ADAM12: variants seen among roughly 807,000 people sequenced by gnomAD.
ADAM12 encodes ADAM metallopeptidase domain 12.
Under a neutral mutation model 106.4 loss-of-function variants are expected in ADAM12, and 70 were observed. That is an observed-to-expected ratio of 0.66 (90% CI 0.54 to 0.80). The LOEUF (loss-of-function observed/expected upper bound fraction) is 0.80. Among genes scored for constraint, ADAM12 ranks in the 30% least tolerant of loss-of-function variants. ADAM12 has a pLI of 0.00. For missense variants in ADAM12, 1,010 were observed against 1,171.9 expected, an observed-to-expected ratio of 0.86 and a Z score of 2.02; for synonymous variants, 420 against 433.5, an observed-to-expected ratio of 0.97 and a Z score of 0.39.
At chr10:126,306,827 C>T (rs972345314) in intron 2 of ADAM12, among the ~76,000 whole-genome samples, 25 of 152,130 alleles carry the variant, frequency 1.6e-4, no homozygotes, top group African/African-American at 5.8e-4. Flanking sequence ...TTGATTATCA[C>T]GGGCTCAGAT....
intron 5 of ADAM12, among the ~76,000 whole-genome samples, chr10:126,134,283 T>C (rs908266931): frequency 6.6e-6 from 1 of 152,230 alleles, no homozygotes; most frequent in African/African-American, 2.4e-5. Flanking sequence ...CTCAATGATT[T>C]GGGTCTGTGT....
chr10:126,277,683 T>C lies in ADAM12; in HGVS notation c.260+1232A>G, dbSNP rs144997616. ...GATTCCTGATTATATAATACATGTG[T>C]CTGAATCTCTATTTTAAGAGCAAGT... On this transcript the variant is annotated intron_variant, in intron 3 of 22. Coordinates refer to ENST00000448723, the MANE Select transcript of ADAM12 (RefSeq NM_001288973.2). Among the ~76,000 whole-genome samples the C allele has an allele frequency of 2.5e-3, 377 of 152,278 alleles. 2 individuals are homozygous for C. The highest frequency in any genetic ancestry group is 0.01 in the Middle Eastern group (3 of 294).
intron 1 of ADAM12, among the ~76,000 whole-genome samples, chr10:126,364,633 A>T (rs1564758114): frequency 6.6e-6 from 1 of 152,208 alleles, no homozygotes; most frequent in Non-Finnish European, 1.5e-5. Context: ...TTCATTCCAA[A>T]TTATGGCTCA....
intron 2 of ADAM12, among the ~76,000 whole-genome samples, chr10:126,300,116 G>T (rs760709329): frequency 6.6e-6 from 1 of 152,164 alleles, no homozygotes; most frequent in African/African-American, 2.4e-5. Context: ...AGCATGCAAC[G>T]TTCTGCAGTT....
intron 5 of ADAM12, among the ~76,000 whole-genome samples, chr10:126,120,050 A>C (rs905610709): frequency 2.0e-5 from 3 of 152,200 alleles, no homozygotes; most frequent in Non-Finnish European, 4.4e-5. Flanking sequence ...CACTTTAGAA[A>C]GACACAAAAT....
chr10:126,353,115 T>C (rs1855420231), intron 1 of ADAM12, among the ~76,000 whole-genome samples: 1 of 152,192 alleles, frequency 6.6e-6, no homozygotes, highest in African/African-American at 2.4e-5. Context: ...AGCCCACAGA[T>C]TCAAAAGGAA....
chr10:126,051,533 CCACCCAT>C (rs1266794625), intron 14 of ADAM12, among the ~76,000 whole-genome samples: 4 of 129,674 alleles, frequency 3.1e-5, no homozygotes. Context: ...AGCCAGCCAG[CCACCCAT>C]CCATCCATCC....
At chr10:126,130,522 A>G (rs1161816604) in intron 5 of ADAM12, among the ~76,000 whole-genome samples, 2 of 152,182 alleles carry the variant, frequency 1.3e-5, no homozygotes, top group Non-Finnish European at 2.9e-5. Context: ...CCCAGCTGCA[A>G]GGATTTCACA....
At chr10:126,233,026 G>A (rs1022239142) in intron 3 of ADAM12, among the ~76,000 whole-genome samples, 2 of 152,126 alleles carry the variant, frequency 1.3e-5, no homozygotes, top group African/African-American at 4.8e-5. Flanking sequence ...CGTGGAAGAC[G>A]TCCAGGCAGA....
intron 3 of ADAM12, among the ~76,000 whole-genome samples, chr10:126,224,534 C>T (rs1343131379): frequency 2.0e-5 from 3 of 151,974 alleles, no homozygotes; most frequent in African/African-American, 7.3e-5. Flanking sequence ...GGGATGGACT[C>T]TTGGGGAGGG....
intron 21 of ADAM12, among the ~76,000 whole-genome samples, chr10:126,032,020 G>C (rs1953980781): frequency 6.6e-6 from 1 of 152,044 alleles, no homozygotes; most frequent in Non-Finnish European, 1.5e-5. Context: ...TGGACAAGAG[G>C]GTACATTCAT....
chr10:126,019,828 G>A lies in ADAM12; in HGVS notation c.2530-3C>T. On this transcript the variant is annotated splice_region_variant and splice_polypyrimidine_tract_variant and intron_variant, in intron 21 of 22. Transcript: ENST00000448723. Reference sequence around the variant, plus strand: ...GGGGGGTTTGGCTTACAGGTCCCCTGCAATAAACATAGGGTTAGGCAGGGT... The same window carrying A: ...GGGGGGTTTGGCTTACAGGTCCCCTACAATAAACATAGGGTTAGGCAGGGT... 6.2e-7 allele frequency: 1 copy of A among 1,612,470 alleles called. No individual in the cohort carries two copies. Among genetic ancestry groups the A allele is most frequent in the Non-Finnish European group, 8.5e-7 (1 of 1,179,200 alleles).
At chr10:126,106,150 G>GAAA (rs1955762532) in intron 8 of ADAM12, among the ~76,000 whole-genome samples, 1 of 152,094 alleles carries the variant, frequency 6.6e-6, no homozygotes, top group Admixed American at 6.5e-5. Context: ...CTCAGCCTCT[G>GAAA]CTTGGTCATC....
chr10:126,082,382 T>TTTTTTTTTTTTTTTTG, intron 11 of ADAM12, among the ~76,000 whole-genome samples: 1 of 148,172 alleles, frequency 6.7e-6, no homozygotes, highest in Non-Finnish European at 1.5e-5. Context: ...TTTTTTTTTT[T>TTTTTTTTTTTTTTTTG]TTTTTATGTG....
At chr10:126,107,216 C>G (rs747262727) in intron 8 of ADAM12, among the ~76,000 whole-genome samples, 3 of 152,146 alleles carry the variant, frequency 2.0e-5, no homozygotes, top group Non-Finnish European at 4.4e-5. Context: ...ACTGAACTTA[C>G]CTTTGAGGAT....
chr10:126,200,936 AC>A (rs57373380), intron 3 of ADAM12, among the ~76,000 whole-genome samples: 3,322 of 152,256 alleles, frequency 0.022, 104 homozygotes, highest in East Asian at 0.093. Context: ...TGTAAATGGC[AC>A]ATGGAATGTT....
intron 1 of ADAM12, among the ~76,000 whole-genome samples, chr10:126,336,862 G>C (rs1354698544): frequency 6.6e-6 from 1 of 152,186 alleles, no homozygotes; most frequent in Admixed American, 6.5e-5. Flanking sequence ...TTTTGAGTCA[G>C]AAGACGCATC....
chr10:126,371,428 G>A (rs1437899388), intron 1 of ADAM12, among the ~76,000 whole-genome samples: 1 of 152,228 alleles, frequency 6.6e-6, no homozygotes, highest in Non-Finnish European at 1.5e-5. Flanking sequence ...GAAGATAATG[G>A]TAGCTGCAAC....
chr10:126,202,027 A>G (rs1424623481), intron 3 of ADAM12, among the ~76,000 whole-genome samples: 1 of 152,184 alleles, frequency 6.6e-6, no homozygotes, highest in Non-Finnish European at 1.5e-5. Flanking sequence ...TGGGGCTGCA[A>G]CGCACAGGAT....
Sources: allele counts gnomAD v4.1 joint callset (sites outside exome capture counted in the v4.1 genomes callset), GRCh38; gene constraint gnomAD v4.1.1; transcripts MANE v1.5; gene names NCBI Gene and HGNC (gene_info 2026-07-23, HGNC 2026-07-21).